Variants in SLC8B1 observed in about 807,000 individuals in gnomAD.
SLC8B1 encodes mitochondrial sodium/calcium exchanger protein.
In SLC8B1, 52 loss-of-function variants were observed where a neutral mutation model predicts 63.4. The observed-to-expected ratio is 0.82, with a 90% confidence interval of 0.66 to 1.03. The LOEUF is 1.03. Among genes scored for constraint, SLC8B1 ranks in the 50% least tolerant of loss-of-function variants. The pLI is 0.00. For missense variants in SLC8B1, 657 were observed against 741.7 expected, an observed-to-expected ratio of 0.89 and a Z score of 1.33; for synonymous variants, 336 against 323.9, an observed-to-expected ratio of 1.04 and a Z score of -0.40.
chr12:113,326,590 AC>A (rs1350563356), intron 2 of SLC8B1, among the ~76,000 whole-genome samples: 1 of 149,160 alleles, frequency 6.7e-6, no homozygotes, highest in African/African-American at 2.5e-5. Context: ...CTAGTCTCAA[AC>A]TCCTGGCCTC....
At chr12:113,308,860 AAC>A (rs1956715440) in intron 12 of SLC8B1, 1 of 152,130 alleles carries the variant, frequency 6.6e-6, no homozygotes, top group African/African-American at 2.4e-5. Flanking sequence ...ATTTTAAGTA[AAC>A]TTTTTTTTTA....
chr12:113,304,428 T>C, intron 14 of SLC8B1, 43 bp from the exon 15 acceptor site: 1 of 1,565,974 alleles, frequency 6.4e-7, no homozygotes, highest in Non-Finnish European at 8.8e-7. Flanking sequence ...GGCCTGCACA[T>C]AACCCAACCA....
At chr12:113,326,855 C>T (rs1364486775) in intron 2 of SLC8B1, among the ~76,000 whole-genome samples, 1 of 152,046 alleles carries the variant, frequency 6.6e-6, no homozygotes, top group Non-Finnish European at 1.5e-5. Context: ...CTATCTGGCT[C>T]TTTACAGAAA....
intron 2 of SLC8B1, among the ~76,000 whole-genome samples, chr12:113,323,371 T>C (rs907073553): frequency 6.6e-6 from 1 of 152,202 alleles, no homozygotes; most frequent in Non-Finnish European, 1.5e-5. Context: ...ACATTGGCTA[T>C]GAGCAGCCTT....
intron 2 of SLC8B1, among the ~76,000 whole-genome samples, chr12:113,329,516 G>A (rs1373664044): frequency 6.6e-6 from 1 of 152,104 alleles, no homozygotes; most frequent in Non-Finnish European, 1.5e-5. Context: ...TCACATTACT[G>A]TGCAGTCTGT....
chr12:113,329,533 C>T (rs897634000), intron 2 of SLC8B1, among the ~76,000 whole-genome samples: 7 of 152,292 alleles, frequency 4.6e-5, no homozygotes, highest in Non-Finnish European at 8.8e-5. Context: ...CTGTCTCGCT[C>T]TGCCCTCCCC....
At chr12:113,323,079 A>C (rs547224836) in intron 2 of SLC8B1, among the ~76,000 whole-genome samples, 18 of 152,202 alleles carry the variant, frequency 1.2e-4, no homozygotes, top group Non-Finnish European at 5.9e-5. Context: ...TGGGATATTT[A>C]TACACCAACT....
At position 113,315,319 on chromosome 12, in the gene SLC8B1, G is replaced by A. The variant is rs1034024576; in HGVS notation, c.1135+16C>T. 4 of 1,517,830 alleles carry A rather than the reference G, an allele frequency of 2.6e-6. No individual in the cohort carries two copies. The highest frequency in any genetic ancestry group is 1.4e-5 in the African/African-American group (1 of 72,310). The allele number at this position is 1,517,830 out of a possible 1,614,324, so 94.0% of individuals were successfully genotyped here. A position where few individuals can be genotyped will look rare whatever the true frequency, so the allele number is the denominator to read the frequency against. ...GGAGTAGGAAGGTGGGTTGGCCCGG[G>A]GTAGGGGATACTCACAGGTCCCCGA... On this transcript the variant is annotated intron_variant, in intron 11 of 15. Transcript: ENST00000680972.
In SLC8B1 at chr12:113,310,343, T is replaced by C. The variant is rs757894951; in HGVS notation, c.1148A>G (p.Glu383Gly). Residue 383 changes from glutamate to glycine, a missense_variant, in exon 12 of 16, where the codon GAG becomes GGG. By Grantham distance (98) the Glu-to-Gly change is moderately conservative. Coordinates refer to ENST00000680972, the MANE Select transcript of SLC8B1 (RefSeq NM_001358345.2). ...TLQSGTYGVY[E>G]IGGLVPVWVV... Reference sequence around the variant, plus strand: ...CCAGACGGGAACGAGGCCGCCTATCTCATAGACACCATCTGCAAAGGGAGA... The same window carrying C: ...CCAGACGGGAACGAGGCCGCCTATCCCATAGACACCATCTGCAAAGGGAGA... The C allele has an allele frequency of 4.2e-5, 68 of 1,613,238 alleles. No homozygotes were observed. The highest frequency in any genetic ancestry group is 5.6e-5 in the Non-Finnish European group (66 of 1,179,828).
At chr12:113,303,240 C>G (rs1037830560) in intron 15 of SLC8B1, among the ~76,000 whole-genome samples, 2 of 152,070 alleles carry the variant, frequency 1.3e-5, no homozygotes, top group Admixed American at 6.6e-5. Flanking sequence ...TGAAAGGGAA[C>G]CTATTAAACC....
rs1361268342 is a variant in SLC8B1, at chr12:113,334,946, G to A, written c.-586C>T. ...GGACGGAGGCTGAGAAGTCGAACTC[G>A]GGGCGCCCGGGTCCTCCGGCCGTGC... On this transcript the variant is annotated 5_prime_UTR_variant, in exon 1 of 16. Transcript: ENST00000680972. 6.6e-6 allele frequency: 1 copy of A among 152,282 alleles called. No individual in the cohort carries two copies. The highest frequency in any genetic ancestry group is 2.4e-5 in the African/African-American group (1 of 41,472). 9.4% of individuals were successfully genotyped at this position (152,282 alleles called of 1,614,324 possible).
chr12:113,320,929 G>T lies in SLC8B1; in HGVS notation c.363-22C>A. On this transcript the variant is annotated intron_variant, in intron 4 of 15. Transcript: ENST00000680972. The surrounding 1 kb of genome is among the most constrained non-coding windows in gnomAD (Gnocchi z 5.3). The stretch of plus-strand genomic sequence containing the variant: ...GAAACTACGGAGAAAAAGCGGACGG[G>T]AAGCATTTCCGTAGTAACCGGCCCC... 1 of 1,601,278 alleles carries T rather than the reference G, an allele frequency of 6.2e-7. No individual in the cohort carries two copies. The highest frequency in any genetic ancestry group is 8.5e-7 in the Non-Finnish European group (1 of 1,175,088).
intron 9 of SLC8B1, 74 bp downstream of exon 9, chr12:113,316,868 G>T: frequency 6.5e-7 from 1 of 1,543,890 alleles, no homozygotes; most frequent in African/African-American, 1.4e-5. Flanking sequence ...CCCAGGTCTT[G>T]GAGGGCCCCA....
At chr12:113,329,474 C>A (rs1388117092) in intron 2 of SLC8B1, among the ~76,000 whole-genome samples, 1 of 152,128 alleles carries the variant, frequency 6.6e-6, no homozygotes, top group Non-Finnish European at 1.5e-5. Flanking sequence ...AGTGAGTCAG[C>A]AAGGTGGGTC....
intron 11 of SLC8B1, among the ~76,000 whole-genome samples, chr12:113,311,151 C>CA (rs1281760664): frequency 6.6e-6 from 1 of 151,924 alleles, no homozygotes; most frequent in Admixed American, 6.6e-5. Context: ...CCCATCTCTA[C>CA]AAAAAATACA....
chr12:113,299,901 G>A lies in SLC8B1; in HGVS notation c.1631C>T (p.Ser544Leu), dbSNP rs777927547. 1.2e-6 allele frequency: 2 copies of A among 1,614,232 alleles called. No homozygotes were observed. The highest frequency in any genetic ancestry group is 2.2e-5 in the South Asian group (2 of 91,088). The stretch of plus-strand genomic sequence containing the variant: ...GAGCTGGAAGCACTGCAATGGGACT[G>A]AGACCAGGGAGAAGACGAGGCTGAG... ...LGLSLVFSLV[S>L]VPLQCFQLSR... The change falls in exon 16 of 16, where the codon TCA (serine) becomes TTA (leucine). Residue 544 changes from serine to leucine, a missense_variant. Transcript: ENST00000680972.
chr12:113,333,607 C>A (rs954173316), intron 1 of SLC8B1, among the ~76,000 whole-genome samples: 1 of 152,146 alleles, frequency 6.6e-6, no homozygotes, highest in Non-Finnish European at 1.5e-5. Flanking sequence ...CCCTGCATCA[C>A]GCCTCCCTCA....
At position 113,315,498 on chromosome 12, in the gene SLC8B1, G is replaced by C; in HGVS notation, c.994-22C>G. On this transcript the variant is annotated intron_variant, in intron 10 of 15. Coordinates refer to ENST00000680972, the MANE Select transcript of SLC8B1 (RefSeq NM_001358345.2). ...GCAGCTGTCAAGGGGGCAAAAGTGG[G>C]AGGGTGTCGGCAGGGAAGTCTGAAT... 10 of 1,553,234 alleles carry C rather than the reference G, an allele frequency of 6.4e-6. No homozygotes were observed. The East Asian group carries it at 7.0e-5, about 11-fold the overall frequency.
chr12:113,320,771 G>A lies in SLC8B1; in HGVS notation c.420+79C>T, dbSNP rs1480558448. The A allele has an allele frequency of 2.5e-6, 4 of 1,577,252 alleles. No homozygotes were observed. Among genetic ancestry groups the A allele is most frequent in the African/African-American group, 1.3e-5 (1 of 74,562 alleles). The stretch of plus-strand genomic sequence containing the variant: ...CCCTATCCCCCAGCTTCCCCACACG[G>A]GGATAGACATGACCCTATCTCCCAG... On this transcript the variant is annotated intron_variant, in intron 5 of 15. Transcript: ENST00000680972. The surrounding 1 kb of genome is among the most constrained non-coding windows in gnomAD (Gnocchi z 5.3).
Sources: gnomAD v4.1 joint callset for allele counts (sites outside exome capture counted in the v4.1 genomes callset) on GRCh38, gnomAD v4.1.1 for gene constraint, Gnocchi (gnomAD v3.1) non-coding constraint, MANE v1.5 for transcripts, NCBI Gene and HGNC (gene_info 2026-07-23, HGNC 2026-07-21) for gene names.